GRIN2B: variants seen among roughly 807,000 people sequenced by gnomAD.
GRIN2B encodes the protein glutamate ionotropic receptor NMDA type subunit 2B.
In GRIN2B, 5 loss-of-function variants were observed where a neutral mutation model predicts 114.5. The observed-to-expected ratio is 0.04, with a 90% confidence interval of 0.02 to 0.09. The LOEUF (loss-of-function observed/expected upper bound fraction) is 0.09, where lower values mean the gene tolerates loss of function less well. Ranked by LOEUF, GRIN2B falls within the 10% of genes least tolerant of loss-of-function variation. The pLI is 1.00. For synonymous variants in GRIN2B, 787 were observed against 745.1 expected, an observed-to-expected ratio of 1.06 and a Z score of -0.92; for missense variants, 1,108 against 1,943.5, an observed-to-expected ratio of 0.57 and a Z score of 8.08.
At chr12:13,907,021 C>G (rs1866547469) in intron 2 of GRIN2B, among the ~76,000 whole-genome samples, 1 of 152,118 alleles carries the variant, frequency 6.6e-6, no homozygotes, top group Admixed American at 6.5e-5. Flanking sequence ...TCACATAAAT[C>G]AAATGATATG....
chr12:13,813,890 A>G (rs1864775547), intron 3 of GRIN2B, among the ~76,000 whole-genome samples: 1 of 152,156 alleles, frequency 6.6e-6, no homozygotes, highest in Non-Finnish European at 1.5e-5. Flanking sequence ...GAACAGCCTT[A>G]CTTTTGGAGA....
intron 2 of GRIN2B, among the ~76,000 whole-genome samples, chr12:13,924,868 T>G (rs1280801069): frequency 6.6e-6 from 1 of 152,118 alleles, no homozygotes; most frequent in Non-Finnish European, 1.5e-5. Context: ...TTTCACAGTT[T>G]TACACCCTAG....
At position 13,651,876 on chromosome 12, in the gene GRIN2B, T is replaced by C. The variant is rs1257160864; in HGVS notation, c.1125+23869A>G. Among the ~76,000 whole-genome samples, 5 of 152,104 alleles carry C rather than the reference T, an allele frequency of 3.3e-5. No homozygotes were observed. The East Asian group carries it at 9.7e-4, about 29-fold the overall frequency. On this transcript the variant is annotated intron_variant, in intron 5 of 13. Transcript: ENST00000609686. Reference sequence around the variant, plus strand: ...ACCTCTCCAGATCTTGGTTTCCTCATCTATAAAACTAGGATAATATTTATC... The same window carrying C: ...ACCTCTCCAGATCTTGGTTTCCTCACCTATAAAACTAGGATAATATTTATC...
chr12:13,803,838 G>A (rs755691837), intron 3 of GRIN2B, among the ~76,000 whole-genome samples: 1 of 152,184 alleles, frequency 6.6e-6, no homozygotes, highest in Non-Finnish European at 1.5e-5. Context: ...CCACAGCCAA[G>A]TCTGAGCTGA....
intron 1 of GRIN2B, among the ~76,000 whole-genome samples, chr12:13,980,608 G>A (rs537157761): frequency 1.3e-5 from 2 of 152,116 alleles, no homozygotes; most frequent in African/African-American, 4.8e-5. Flanking sequence ...AATGGAAGAG[G>A]AGAGAGGGAG....
chr12:13,877,837 C>A (rs779618134), intron 2 of GRIN2B, among the ~76,000 whole-genome samples: 1 of 151,924 alleles, frequency 6.6e-6, no homozygotes. Flanking sequence ...CGGAAGCAGG[C>A]GGATCACTTG....
intron 10 of GRIN2B, among the ~76,000 whole-genome samples, chr12:13,607,328 A>ATATATTT: frequency 1.9e-5 from 1 of 51,294 alleles, no homozygotes; most frequent in African/African-American, 7.7e-5. Flanking sequence ...AAAATATATA[A>ATATATTT]TATATATTAT....
intron 2 of GRIN2B, among the ~76,000 whole-genome samples, chr12:13,876,876 C>T (rs1865998629): frequency 6.6e-6 from 1 of 152,178 alleles, no homozygotes; most frequent in Admixed American, 6.5e-5. Flanking sequence ...GCACAATGAA[C>T]ATTTGTTAAT....
chr12:13,620,848 G>A (rs530016085), intron 5 of GRIN2B, among the ~76,000 whole-genome samples: 11 of 149,964 alleles, frequency 7.3e-5, no homozygotes, highest in African/African-American at 2.4e-4. Context: ...CAAAATACGA[G>A]CTTGCCTTAA....
intron 2 of GRIN2B, among the ~76,000 whole-genome samples, chr12:13,941,067 T>TCACACACACA (rs57165618): frequency 5.3e-5 from 8 of 150,748 alleles, no homozygotes; most frequent in African/African-American, 9.8e-5. Flanking sequence ...ACACATATGT[T>TCACACACACA]CACACACACA....
intron 2 of GRIN2B, among the ~76,000 whole-genome samples, chr12:13,967,226 G>A (rs1867804340): frequency 6.6e-6 from 1 of 152,124 alleles, no homozygotes; most frequent in Non-Finnish European, 1.5e-5. Context: ...AGAAGTCCAG[G>A]TCCTAACCAC....
At chr12:13,586,102 G>A (rs938751721) in intron 10 of GRIN2B, among the ~76,000 whole-genome samples, 2 of 152,166 alleles carry the variant, frequency 1.3e-5, no homozygotes, top group Admixed American at 6.5e-5. Context: ...TAAGGGTTAA[G>A]CCAAAAAACT....
At chr12:13,610,814 C>T in intron 9 of GRIN2B, among the ~76,000 whole-genome samples, 1 of 152,174 alleles carries the variant, frequency 6.6e-6, no homozygotes, top group Non-Finnish European at 1.5e-5. Flanking sequence ...GTCTAAGCCC[C>T]AACCTAGACT....
chr12:13,903,072 T>C (rs559371947), intron 2 of GRIN2B, among the ~76,000 whole-genome samples: 8 of 152,290 alleles, frequency 5.3e-5, no homozygotes, highest in South Asian at 2.1e-4. Context: ...CTTTATTTCA[T>C]GTAGCACTTC....
chr12:13,615,641 C>A lies in GRIN2B; in HGVS notation c.1352G>T (p.Gly451Val). The A allele has an allele frequency of 6.2e-7, 1 of 1,613,450 alleles. No individual in the cohort carries two copies. Among genetic ancestry groups the A allele is most frequent in the Non-Finnish European group, 8.5e-7 (1 of 1,179,470 alleles). ...CCCCTTGCAGCATTTTTTGATGTAA[C>A]CCGGCTCCTCGTCTGTTTTATTCCT... ...VTENKTDEEP[G>V]YIKKCCKGFC... Residue 451 changes from glycine to valine, a missense_variant, in exon 7 of 14, where the codon GGT becomes GTT. By Grantham distance (109) the Gly-to-Val change is moderately radical. Around this residue, in one of 19 missense-constraint regions of GRIN2B, gnomAD observed 26 missense variants for 23.5 expected, o/e 1.11. Coordinates refer to ENST00000609686, the MANE Select transcript of GRIN2B (RefSeq NM_000834.5). This position sits in a 1 kb window ranked among gnomAD's most constrained non-coding sequence, Gnocchi z 5.8.
intron 5 of GRIN2B, among the ~76,000 whole-genome samples, chr12:13,635,326 G>A (rs962571263): frequency 2.6e-5 from 4 of 152,180 alleles, no homozygotes; most frequent in African/African-American, 9.7e-5. Flanking sequence ...GTTTTCTACA[G>A]GAAGGGAAAT....
rs759714224 is a variant in GRIN2B at position 13,866,009 on chromosome 12, C to T, written c.200G>A (p.Arg67Gln). Residue 67 changes from arginine (R) to glutamine (Q), a missense_variant, in exon 3 of 14, where the codon CGG (arginine) becomes CAG (glutamine). This residue lies in a region of GRIN2B where 199 missense variants were observed against 439.6 expected (regional missense o/e 0.45). Transcript: ENST00000609686. ...CTCATTCATGGCTACCAGTTCCACC[C>T]GGGGTACCACGGAGAGATGGTGGAA... Reference protein sequence around the residue: ...DDFHHLSVVPRVELVAMNETD... With the variant: ...DDFHHLSVVPQVELVAMNETD... 6 of 1,613,930 alleles carry T rather than the reference C, an allele frequency of 3.7e-6. No homozygotes were observed. The highest frequency in any genetic ancestry group is 2.2e-5 in the South Asian group (2 of 91,056).
chr12:13,640,621 T>C (rs1949706624), intron 5 of GRIN2B, among the ~76,000 whole-genome samples: 1 of 152,200 alleles, frequency 6.6e-6, no homozygotes, highest in Admixed American at 6.5e-5. Context: ...TACAGAATGT[T>C]GCATGTTGAC....
At chr12:13,608,963 C>T (rs1805523) in intron 9 of GRIN2B, 131 bp from the exon 10 acceptor site, 67 of 713,124 alleles carry the variant, frequency 9.4e-5, no homozygotes, top group Admixed American at 4.5e-4. Context: ...CTTTTATAGA[C>T]GGCTTTTAAA....
Sources: gnomAD v4.1 joint callset for allele counts (sites outside exome capture counted in the v4.1 genomes callset) on GRCh38, gnomAD v4.1.1 for gene constraint, gnomAD v4.1.1 regional missense constraint, Gnocchi (gnomAD v3.1) non-coding constraint, MANE v1.5 for transcripts, NCBI Gene and HGNC (gene_info 2026-07-23, HGNC 2026-07-21) for gene names.